The following SMARCC1 variants were observed in gnomAD, a reference collection of about 807,000 sequenced individuals.
SMARCC1 encodes SWI/SNF complex subunit SMARCC1.
In SMARCC1, 43 loss-of-function variants were observed where a neutral mutation model predicts 147.4. The observed-to-expected ratio is 0.29, with a 90% CI of 0.23 to 0.38. SMARCC1 has a LOEUF of 0.38. Ranked by LOEUF, SMARCC1 falls within the 10% of genes least tolerant of loss-of-function variation. The pLI, the probability that SMARCC1 is intolerant of heterozygous loss-of-function variation, is 1.00. For missense variants in SMARCC1, 1,119 were observed against 1,381.1 expected, an observed-to-expected ratio of 0.81 and a Z score of 3.01; for synonymous variants, 495 against 484.4, an observed-to-expected ratio of 1.02 and a Z score of -0.29.
intron 2 of SMARCC1, among the ~76,000 whole-genome samples, chr3:47,753,712 CAAAAA>C (rs71070226): frequency 1.4e-5 from 1 of 69,606 alleles, no homozygotes; most frequent in African/African-American, 5.9e-5. Flanking sequence ...AACTCCATCT[CAAAAA>C]AAAAAAAAAA....
intron 21 of SMARCC1, among the ~76,000 whole-genome samples, chr3:47,659,517 G>A (rs568857810): frequency 3.7e-4 from 57 of 152,092 alleles, no homozygotes; most frequent in African/African-American, 1.3e-3. Flanking sequence ...AAAACAAAAA[G>A]GGAGGGTGGT....
At chr3:47,594,510 A>G (rs910349070) in intron 26 of SMARCC1, among the ~76,000 whole-genome samples, 1 of 152,214 alleles carries the variant, frequency 6.6e-6, no homozygotes, top group Admixed American at 6.5e-5. Context: ...GAGTCTGCCA[A>G]TCTAGGGACT....
intron 21 of SMARCC1, among the ~76,000 whole-genome samples, chr3:47,647,117 G>T (rs954963362): frequency 6.6e-6 from 1 of 152,168 alleles, no homozygotes; most frequent in Non-Finnish European, 1.5e-5. Context: ...ACAATGAAAT[G>T]ATCGGTCAGA....
rs753672169 is a variant in SMARCC1 at position 47,671,196 on chromosome 3, A to AAAAAAAAAAAAAAAAAAAAAAC, written c.1840-480_1840-479insGTTTTTTTTTTTTTTTTTTTTT. 1.0e-3 allele frequency among the ~76,000 whole-genome samples: 85 copies of AAAAAAAAAAAAAAAAAAAAAAC among 81,190 alleles called. 5 individuals carry two copies. Among genetic ancestry groups the AAAAAAAAAAAAAAAAAAAAAAC allele is most frequent in the South Asian group, 2.5e-3 (5 of 2,016 alleles). 53.3% of individuals were successfully genotyped at this position (81,190 alleles called of 152,430 possible). A position where few individuals can be genotyped will look rare whatever the true frequency, so the allele number is the denominator to read the frequency against. ...CTCAAAAAAAAAAAAAAAAAAAAAAAAACACACACAAAAACCAAAACCAAA... is the reference window on the plus strand; with the variant it reads ...CTCAAAAAAAAAAAAAAAAAAAAAAAAAAAAAAAAAAAAAAAAAAAACAACACACACAAAAACCAAAACCAAA... On this transcript the variant is annotated intron_variant, in intron 18 of 27. Coordinates refer to ENST00000254480, the MANE Select transcript of SMARCC1 (RefSeq NM_003074.4).
chr3:47,648,415 CT>C (rs1288968781), intron 21 of SMARCC1, among the ~76,000 whole-genome samples: 1 of 152,048 alleles, frequency 6.6e-6, no homozygotes. Flanking sequence ...GAGACAGAGT[CT>C]TGTTCTGTCA....
intron 25 of SMARCC1, among the ~76,000 whole-genome samples, chr3:47,619,526 G>A (rs932615586): frequency 1.3e-5 from 2 of 152,220 alleles, no homozygotes; most frequent in African/African-American, 4.8e-5. Flanking sequence ...AAAAAGTGGG[G>A]CAAAGGGCCT....
Position 47,638,726 on chromosome 3 carries a change from T to C in SMARCC1, c.2375A>G (p.Lys792Arg). The change falls in exon 22 of 28, where the codon AAG (lysine) becomes AGG (arginine). Residue 792 changes from lysine to arginine, a missense_variant and splice_region_variant. Lys to Arg is a conservative substitution (Grantham distance 26). Around this residue, in one of 6 missense-constraint regions of SMARCC1, gnomAD observed 157 missense variants for 158.6 expected, o/e 0.99. Coordinates refer to ENST00000254480, the MANE Select transcript of SMARCC1 (RefSeq NM_003074.4). ...EADPDGQQPE[K>R]AENKVENETD... ...GGTTTTACTGCTGTGAGACTTTACC[T>C]TTTCAGGCTGCTGACCATCAGGGTC... is the stretch of plus-strand genomic sequence containing the variant. The C allele has an allele frequency of 6.2e-7, 1 of 1,612,064 alleles. No homozygotes were observed. The highest frequency in any genetic ancestry group is 8.5e-7 in the Non-Finnish European group (1 of 1,178,094).
intron 26 of SMARCC1, among the ~76,000 whole-genome samples, chr3:47,593,192 A>AT (rs11292851): frequency 8.6e-4 from 127 of 148,226 alleles, no homozygotes; most frequent in African/African-American, 2.4e-3. Context: ...CAAGGCTTTA[A>AT]TTTTTTTTTT....
chr3:47,659,520 A>T (rs1254756620), intron 21 of SMARCC1, among the ~76,000 whole-genome samples: 2 of 152,026 alleles, frequency 1.3e-5, no homozygotes, highest in African/African-American at 4.8e-5. Context: ...ACAAAAAGGG[A>T]GGGTGGTTCA....
rs141467831 is a variant in SMARCC1, at chr3:47,696,606, C to T, written c.1166-3306G>A. On this transcript the variant is annotated intron_variant, in intron 11 of 27. Transcript: ENST00000254480. ...CAATCTCGGCTCACTGCAACCTCTG[C>T]CTCCCGAGTTCAAGTGATTCTCCTG... Among the ~76,000 whole-genome samples the T allele has an allele frequency of 3.5e-3, 530 of 151,540 alleles. 4 individuals carry two copies. Among genetic ancestry groups the T allele is most frequent in the African/African-American group, 0.012 (496 of 41,318 alleles).
At chr3:47,628,357 C>A (rs911355150) in intron 24 of SMARCC1, among the ~76,000 whole-genome samples, 6 of 152,190 alleles carry the variant, frequency 3.9e-5, no homozygotes, top group Middle Eastern at 3.2e-3. Flanking sequence ...ACAAGTTCAC[C>A]TCTCAGCTTC....
At position 47,590,758 on chromosome 3, in the gene SMARCC1, G is replaced by T. The variant is rs138163124; in HGVS notation, c.3123C>A (p.Ile1041=). 21 of 1,604,518 alleles carry T rather than the reference G, an allele frequency of 1.3e-5. No individual in the cohort carries two copies. The highest frequency in any genetic ancestry group is 1.8e-5 in the Non-Finnish European group (21 of 1,176,260). ...GGGTAGGGCCACTCCCAGAGGGGTG[G>T]ATGTTGGCTGCAACAGTGGGAATCA... ...GRMIPTVAAN[I]HPSGSGPTPP... is the part of the protein sequence containing the mutation. The change falls in exon 27 of 28, where the codon ATC becomes ATA. Residue 1041 remains isoleucine, a synonymous_variant. Transcript: ENST00000254480.
At chr3:47,616,178 T>C (rs1193474457) in intron 25 of SMARCC1, among the ~76,000 whole-genome samples, 1 of 152,210 alleles carries the variant, frequency 6.6e-6, no homozygotes, top group East Asian at 1.9e-4. Flanking sequence ...TAATTTAGTC[T>C]ACAACACAAC....
chr3:47,684,635 G>T (rs2033699049), intron 14 of SMARCC1, among the ~76,000 whole-genome samples: 1 of 151,954 alleles, frequency 6.6e-6, no homozygotes, highest in African/African-American at 2.4e-5. Flanking sequence ...TAGAGACGGG[G>T]TTTCACCAGG....
chr3:47,778,784 C>T (rs1576440329), intron 1 of SMARCC1, among the ~76,000 whole-genome samples: 3 of 152,084 alleles, frequency 2.0e-5, no homozygotes, highest in Non-Finnish European at 4.4e-5. Flanking sequence ...CCCAGGAGTT[C>T]GAGACCAGCC....
Position 47,727,841 on chromosome 3 carries a change from T to C in SMARCC1, c.646+1184A>G, listed in dbSNP as rs556638332. Among the ~76,000 whole-genome samples, 343 of 152,164 alleles carry C rather than the reference T, an allele frequency of 2.3e-3. 2 individuals carry two copies. Among genetic ancestry groups the C allele is most frequent in the African/African-American group, 8.0e-3 (333 of 41,554 alleles). On this transcript the variant is annotated intron_variant, in intron 6 of 27. Coordinates refer to ENST00000254480, the MANE Select transcript of SMARCC1 (RefSeq NM_003074.4). ...CCTGACCTCAGGTGATCCACCCGCC[T>C]TGGCCTCCCAGAGTGCTGGGATTAC...
intron 26 of SMARCC1, among the ~76,000 whole-genome samples, chr3:47,595,276 C>T (rs941700503): frequency 6.6e-6 from 1 of 152,100 alleles, no homozygotes. Context: ...GCCTGTAATC[C>T]CAGTACTTTG....
chr3:47,600,997 ATGAGAGAGAGAGAGAGAG>A (rs1559622856), intron 26 of SMARCC1, among the ~76,000 whole-genome samples: 15 of 28,940 alleles, frequency 5.2e-4, no homozygotes, highest in South Asian at 1.1e-3. Context: ...GAGGAAGAAA[ATGAGAGAGAGAGAGAGAG>A]AGAGAGAGAG....
At position 47,678,304 on chromosome 3, in the gene SMARCC1, C is replaced by A. The variant is rs746544289; in HGVS notation, c.1465G>T (p.Ala489Ser). 3 of 1,570,048 alleles carry A rather than the reference C, an allele frequency of 1.9e-6. No individual in the cohort carries two copies. The highest frequency in any genetic ancestry group is 2.6e-6 in the Non-Finnish European group (3 of 1,152,384). ...GTGTCAATCATAAAATTTCGATATG[C>A]CAAGTATCTAAAAAGCAATGGCAAA... ...NKSKTPEIYL[A>S]YRNFMIDTYR... Residue 489 changes from alanine to serine, a missense_variant, in exon 16 of 28, where the codon GCA (alanine) becomes TCA (serine). Around this residue, in one of 6 missense-constraint regions of SMARCC1, gnomAD observed 542 missense variants for 611.8 expected, o/e 0.89. Transcript: ENST00000254480.
Sources: allele counts gnomAD v4.1 joint callset (sites outside exome capture counted in the v4.1 genomes callset), GRCh38; gene constraint gnomAD v4.1.1; regional missense constraint gnomAD v4.1.1; transcripts MANE v1.5; gene names NCBI Gene and HGNC (gene_info 2026-07-23, HGNC 2026-07-21).